The following RHBDD1 variants were observed in gnomAD, a reference collection of about 807,000 sequenced individuals.
The protein encoded by RHBDD1 is rhomboid domain containing 1, also known as rhomboid-related protein 4.
A neutral mutation model predicts 36.3 loss-of-function variants in RHBDD1; 38 were observed. That is an observed-to-expected ratio of 1.05 (90% confidence interval 0.81 to 1.37). The LOEUF (loss-of-function observed/expected upper bound fraction) is 1.37. Among genes scored for constraint, RHBDD1 ranks in the 40% most tolerant of loss-of-function variants. The pLI is 0.00. For missense variants in RHBDD1, 393 were observed against 377.6 expected, an observed-to-expected ratio of 1.04 and a Z score of -0.34; for synonymous variants, 151 against 136.5, an observed-to-expected ratio of 1.11 and a Z score of -0.74.
At chr2:226,973,210 A>T (rs1005331466) in intron 8 of RHBDD1, among the ~76,000 whole-genome samples, 9 of 152,226 alleles carry the variant, frequency 5.9e-5, no homozygotes, top group Admixed American at 5.9e-4. Context: ...ATCTTCTTCC[A>T]AACTCATCCA....
At chr2:226,945,939 A>G (rs541801235) in intron 8 of RHBDD1, among the ~76,000 whole-genome samples, 2 of 152,224 alleles carry the variant, frequency 1.3e-5, no homozygotes, top group Admixed American at 6.5e-5. Flanking sequence ...TTTGTTGGCC[A>G]CATAAATGTC....
intron 3 of RHBDD1, among the ~76,000 whole-genome samples, chr2:226,840,787 A>T (rs1410581928): frequency 6.6e-6 from 1 of 152,176 alleles, no homozygotes; most frequent in African/African-American, 2.4e-5. Context: ...AATAAATATA[A>T]ATGTTACTTA....
intron 3 of RHBDD1, among the ~76,000 whole-genome samples, chr2:226,845,489 A>G (rs538552838): frequency 6.6e-6 from 1 of 152,208 alleles, no homozygotes; most frequent in Non-Finnish European, 1.5e-5. Context: ...TATGCTGCAT[A>G]TGTTAATATT....
chr2:226,823,849 T>C, the RHBDD1 span, among the ~76,000 whole-genome samples: 4 of 152,158 alleles, frequency 2.6e-5, no homozygotes, highest in African/African-American at 9.7e-5. Flanking sequence ...AGACATCACA[T>C]GGGCAAGAGA....
chr2:226,907,125 A>T, intron 6 of RHBDD1: 4 of 573,512 alleles, frequency 7.0e-6, no homozygotes, highest in Non-Finnish European at 1.2e-5. Context: ...GTATATATTT[A>T]TACCCTCAAC....
Position 226,850,438 on chromosome 2 carries a change from A to AT in RHBDD1, c.-91+10820dup, listed in dbSNP as rs555155999. ...AACAATGCACAAAGGGTTTCATTTT[A>AT]TTTTTTTTTATTCTTTTAAAACTGT... On this transcript the variant is annotated intron_variant, in intron 3 of 8. Transcript: ENST00000392062. Among the ~76,000 whole-genome samples, 325 of 151,744 alleles carry AT rather than the reference A, an allele frequency of 2.1e-3. 4 individuals are homozygous for AT. Among genetic ancestry groups the AT allele is most frequent in the African/African-American group, 7.4e-3 (306 of 41,364 alleles).
At chr2:226,962,860 T>C (rs192865758) in intron 8 of RHBDD1, among the ~76,000 whole-genome samples, 3 of 152,342 alleles carry the variant, frequency 2.0e-5, no homozygotes, top group Non-Finnish European at 4.4e-5. Context: ...AGATGGTTGG[T>C]TACTTTGATC....
intron 8 of RHBDD1, among the ~76,000 whole-genome samples, chr2:226,965,129 T>TG (rs1489777134): frequency 1.3e-5 from 2 of 152,004 alleles, no homozygotes; most frequent in African/African-American, 4.8e-5. Flanking sequence ...GAGATCATCC[T>TG]GGGTTAGGGT....
chr2:226,826,251 C>T, the RHBDD1 span, among the ~76,000 whole-genome samples: 1 of 152,064 alleles, frequency 6.6e-6, no homozygotes, highest in Admixed American at 6.6e-5. Context: ...GATCTAGAGG[C>T]AGGAGTTTAA....
intron 5 of RHBDD1, among the ~76,000 whole-genome samples, chr2:226,884,843 G>C (rs777537694): frequency 3.3e-5 from 5 of 151,938 alleles, no homozygotes; most frequent in Non-Finnish European, 4.4e-5. Flanking sequence ...CAATGTGTGA[G>C]GAAAATTTTA....
At chr2:226,844,826 A>G (rs1256930195) in intron 3 of RHBDD1, among the ~76,000 whole-genome samples, 3 of 152,230 alleles carry the variant, frequency 2.0e-5, no homozygotes, top group Non-Finnish European at 4.4e-5. Flanking sequence ...GAAATCATAA[A>G]TGGTGATGGG....
At chr2:226,970,385 A>T (rs1252979658) in intron 8 of RHBDD1, among the ~76,000 whole-genome samples, 10 of 152,118 alleles carry the variant, frequency 6.6e-5, no homozygotes, top group Non-Finnish European at 1.3e-4. Flanking sequence ...TTTTTACTAA[A>T]ATAAGCTTTT....
At chr2:226,907,389 TC>T (rs1260564808) in intron 6 of RHBDD1, among the ~76,000 whole-genome samples, 1 of 152,168 alleles carries the variant, frequency 6.6e-6, no homozygotes, top group Non-Finnish European at 1.5e-5. Flanking sequence ...GAAGCTTAGC[TC>T]CTGCTTTTTT....
chr2:226,826,233 GAATGGCT>G, the RHBDD1 span, among the ~76,000 whole-genome samples: 1 of 152,148 alleles, frequency 6.6e-6, no homozygotes, highest in African/African-American at 2.4e-5. Flanking sequence ...AGAAATCAGG[GAATGGCT>G]GATCTAGAGG....
intron 5 of RHBDD1, among the ~76,000 whole-genome samples, chr2:226,897,963 G>C (rs1201053558): frequency 6.6e-6 from 1 of 151,896 alleles, no homozygotes; most frequent in Non-Finnish European, 1.5e-5. Context: ...TAGGCAACAA[G>C]AGCAAAACTC....
intron 5 of RHBDD1, among the ~76,000 whole-genome samples, chr2:226,882,256 C>A (rs1468515878): frequency 6.6e-6 from 1 of 151,436 alleles, no homozygotes; most frequent in Non-Finnish European, 1.5e-5. Context: ...ATGGTGAAAC[C>A]CCATCTCTAC....
At chr2:226,974,997 A>C (rs1954304699) in intron 8 of RHBDD1, among the ~76,000 whole-genome samples, 1 of 152,224 alleles carries the variant, frequency 6.6e-6, no homozygotes, top group South Asian at 2.1e-4. Context: ...GTGAATCAGC[A>C]GCAGTGACTC....
intron 8 of RHBDD1, among the ~76,000 whole-genome samples, chr2:226,966,178 A>G (rs566565442): frequency 2.6e-5 from 4 of 152,232 alleles, no homozygotes; most frequent in African/African-American, 9.6e-5. Flanking sequence ...CTACTCTCCT[A>G]AATAAATAGA....
At chr2:226,829,952 T>A in the RHBDD1 span, among the ~76,000 whole-genome samples, 1 of 152,140 alleles carries the variant, frequency 6.6e-6, no homozygotes, top group Admixed American at 6.5e-5. Context: ...TGGTGGTTTA[T>A]GTTAACTATG....
Sources: gnomAD v4.1 joint callset for allele counts (sites outside exome capture counted in the v4.1 genomes callset) on GRCh38, gnomAD v4.1.1 for gene constraint, MANE v1.5 for transcripts, NCBI Gene and HGNC (gene_info 2026-07-23, HGNC 2026-07-21) for gene names.